The following E2F6 variants were observed in gnomAD, a reference collection of about 807,000 sequenced individuals.
E2F6 encodes E2F transcription factor 6.
A neutral mutation model predicts 31.5 loss-of-function variants in E2F6; 19 were observed. That is an observed-to-expected ratio of 0.60 (90% CI 0.42 to 0.89). The LOEUF is 0.89. Among genes scored for constraint, E2F6 ranks in the 40% least tolerant of loss-of-function variants. The probability of loss-of-function intolerance (pLI) is 0.00; values close to 1 mark genes in which losing one functional copy is unlikely to be tolerated. For missense variants in E2F6, 269 were observed against 341.6 expected, an observed-to-expected ratio of 0.79 and a Z score of 1.67; for synonymous variants, 121 against 127.7, an observed-to-expected ratio of 0.95 and a Z score of 0.36.
At chr2:11,456,447 T>C (rs936637871) in intron 2 of E2F6, among the ~76,000 whole-genome samples, 8 of 152,182 alleles carry the variant, frequency 5.3e-5, no homozygotes, top group Non-Finnish European at 1.2e-4. Context: ...TCTGGGCTCT[T>C]GCGTCAGAGA....
intron 3 of E2F6, 45 bp from the exon 4 acceptor site, chr2:11,451,851 A>G: frequency 6.4e-7 from 1 of 1,558,390 alleles, no homozygotes; most frequent in Non-Finnish European, 8.7e-7. Context: ...ACTAGGAGAT[A>G]ACAAAGTAAT....
At chr2:11,455,400 C>T in intron 2 of E2F6, 1 of 1,276,148 alleles carries the variant, frequency 7.8e-7, no homozygotes, top group Admixed American at 2.7e-5. Flanking sequence ...GTTTAAAGAC[C>T]ACTGGCGGTT....
Position 11,450,007 on chromosome 2 carries a change from C to A in E2F6, c.651+5G>T. 6.2e-7 allele frequency: 1 copy of A among 1,605,648 alleles called. No individual in the cohort carries two copies. Among genetic ancestry groups the A allele is most frequent in the East Asian group, 2.2e-5 (1 of 44,808 alleles). On this transcript the variant is annotated splice_donor_5th_base_variant and intron_variant, in intron 5 of 6. Coordinates refer to ENST00000381525, the MANE Select transcript of E2F6 (RefSeq NM_198256.4). Reference sequence around the variant, plus strand: ...AAATCTTTTTAAAAATGCAGGGTTACCTACTTCTCTGGGAGCTGGAACATC... The same window carrying A: ...AAATCTTTTTAAAAATGCAGGGTTAACTACTTCTCTGGGAGCTGGAACATC...
intron 1 of E2F6, 74 bp downstream of exon 1, chr2:11,465,698 T>TTGG: frequency 6.7e-7 from 1 of 1,484,558 alleles, no homozygotes; most frequent in Non-Finnish European, 9.2e-7. Flanking sequence ...GCCAGCGGGG[T>TTGG]TGGCGGCGGC....
In E2F6 at chr2:11,445,961, T is replaced by C. The variant is rs915533770; in HGVS notation, c.*516A>G. 6.5e-6 allele frequency: 1 copy of C among 152,920 alleles called. No individual in the cohort carries two copies. Among genetic ancestry groups the C allele is most frequent in the Non-Finnish European group, 1.5e-5 (1 of 68,292 alleles). The allele number at this position is 152,920 out of a possible 1,614,324, so 9.5% of individuals were successfully genotyped here. A position where few individuals can be genotyped will look rare whatever the true frequency, so the allele number is the denominator to read the frequency against. ...GTCACTTTCCATATATACATTATTT[T>C]GGCTGTACAAGGGTGAAAAGTGTCA... On this transcript the variant is annotated 3_prime_UTR_variant, in exon 7 of 7. Coordinates refer to ENST00000381525, the MANE Select transcript of E2F6 (RefSeq NM_198256.4).
At chr2:11,453,280 G>A (rs1011557861) in intron 3 of E2F6, among the ~76,000 whole-genome samples, 3 of 151,880 alleles carry the variant, frequency 2.0e-5, no homozygotes, top group African/African-American at 7.3e-5. Context: ...CAGACCTACC[G>A]AATTACAACT....
chr2:11,465,493 A>G (rs937281031), intron 1 of E2F6, among the ~76,000 whole-genome samples: 5 of 152,330 alleles, frequency 3.3e-5, no homozygotes, highest in South Asian at 2.1e-4. Flanking sequence ...GAGTCCATAG[A>G]AGGAGATAAA....
chr2:11,451,900 A>G (rs370182648), intron 3 of E2F6, 94 bp from the exon 4 acceptor site: 358 of 1,264,826 alleles, frequency 2.8e-4, no homozygotes, highest in African/African-American at 2.2e-3. Context: ...AATGTTTGCC[A>G]TAAGTGTTTT....
intron 2 of E2F6, chr2:11,455,549 C>A: frequency 1.1e-6 from 1 of 934,918 alleles, no homozygotes; most frequent in Non-Finnish European, 1.5e-6. Context: ...AATTCTACAA[C>A]AAACTCAGGA....
At chr2:11,455,476 T>G (rs1671346013) in intron 2 of E2F6, 1 of 1,297,750 alleles carries the variant, frequency 7.7e-7, no homozygotes, top group South Asian at 1.2e-5. Context: ...ATTCCTACAC[T>G]TAAGATTAAA....
At position 11,466,114 on chromosome 2, in the gene E2F6, G is replaced by C; in HGVS notation, c.-235C>G. ...ACGGAAAAAGAGGAGGGAGACCCGC[G>C]GATCTCAAGTCGCCCGGCCCGCCAT... On this transcript the variant is annotated 5_prime_UTR_variant, in exon 1 of 7. Coordinates refer to ENST00000381525, the MANE Select transcript of E2F6 (RefSeq NM_198256.4). 1 of 484,982 alleles carries C rather than the reference G, an allele frequency of 2.1e-6. No homozygotes were observed. The highest frequency in any genetic ancestry group is 3.0e-5 in the South Asian group (1 of 33,198). The allele number at this position is 484,982 out of a possible 1,614,324, so 30.0% of individuals were successfully genotyped here.
chr2:11,451,498 G>A (rs1671067441), intron 4 of E2F6, 153 bp downstream of exon 4: 4 of 686,948 alleles, frequency 5.8e-6, no homozygotes, highest in Non-Finnish European at 8.9e-6. Context: ...TTACAGCCAT[G>A]TGTGCCACCA....
chr2:11,446,643 G>T, intron 6 of E2F6, 120 bp from the exon 7 acceptor site: 2 of 778,668 alleles, frequency 2.6e-6, no homozygotes, highest in South Asian at 1.7e-5. Context: ...AAGATGCCTG[G>T]TCAAGAACAC....
intron 1 of E2F6, chr2:11,458,407 T>C: frequency 6.5e-7 from 1 of 1,528,980 alleles, no homozygotes. Flanking sequence ...AACAAAGGTG[T>C]GAAGATGTAT....
At chr2:11,461,847 TCCAAAGACAATAGGAGCAACCAA>T (rs1466330442) in intron 1 of E2F6, among the ~76,000 whole-genome samples, 2 of 152,234 alleles carry the variant, frequency 1.3e-5, no homozygotes, top group African/African-American at 4.8e-5. Flanking sequence ...CATCACTTTG[TCCAAAGACAATAGGAGCAACCAA>T]CCAATGTCAT....
At chr2:11,451,871 G>A (rs1671091828) in intron 3 of E2F6, 65 bp from the exon 4 acceptor site, 2 of 1,479,934 alleles carry the variant, frequency 1.4e-6, no homozygotes, top group South Asian at 2.5e-5. Context: ...TTTCAAGTTA[G>A]GTTATTGGAA....
At chr2:11,463,958 GACAAAA>G (rs1671958273) in intron 1 of E2F6, among the ~76,000 whole-genome samples, 1 of 106,454 alleles carries the variant, frequency 9.4e-6, no homozygotes, top group African/African-American at 3.2e-5. Context: ...CGGGGGGGGG[GACAAAA>G]ACAAAAACAG....
intron 2 of E2F6, 51 bp downstream of exon 2, chr2:11,457,128 A>G (rs746859439): frequency 4.6e-6 from 6 of 1,294,916 alleles, no homozygotes; most frequent in African/African-American, 3.0e-5. Flanking sequence ...CATTTTAATC[A>G]TAAGAAGTTC....
intron 3 of E2F6, among the ~76,000 whole-genome samples, chr2:11,453,074 G>C (rs1287394584): frequency 1.3e-5 from 2 of 152,078 alleles, no homozygotes; most frequent in Non-Finnish European, 2.9e-5. Flanking sequence ...TGCACACACA[G>C]ATACCTTTAT....
Sources: gnomAD v4.1 joint callset for allele counts (sites outside exome capture counted in the v4.1 genomes callset) on GRCh38, gnomAD v4.1.1 for gene constraint, MANE v1.5 for transcripts, NCBI Gene and HGNC (gene_info 2026-07-23, HGNC 2026-07-21) for gene names.